RAET1L: variants seen among roughly 807,000 people sequenced by gnomAD.
RAET1L encodes the protein UL16-binding protein 6.
Under a neutral mutation model 23.9 loss-of-function variants are expected in RAET1L, and 16 were observed. The observed-to-expected ratio is 0.67, with a 90% CI of 0.45 to 1.02. RAET1L has a LOEUF of 1.02. RAET1L is among the 50% of genes least tolerant of loss of function. The pLI is 0.00. For missense variants in RAET1L, 233 were observed against 304.0 expected (o/e 0.77, Z 1.74); for synonymous variants, 70 against 111.2 (o/e 0.63, Z 2.33).
intron 2 of RAET1L, among the ~76,000 whole-genome samples, chr6:150,021,642 C>A (rs1420960618): frequency 8.4e-6 from 1 of 118,608 alleles, no homozygotes; most frequent in Non-Finnish European, 1.8e-5. Flanking sequence ...GTTGCCCAGG[C>A]TGGAGTGCAA....
At position 150,020,827 on chromosome 6, in the gene RAET1L, G is replaced by A. The variant is rs1363565068; in HGVS notation, c.631+78C>T. The A allele has an allele frequency of 2.5e-6, 4 of 1,581,136 alleles. No homozygotes were observed. In the East Asian group the frequency reaches 6.7e-5, roughly 27 times the overall value. ...AAACGTGTACACTGGGATGATTGAA[G>A]CTGAACTCAAGAACTAACTTCTTGA... On this transcript the variant is annotated intron_variant, in intron 3 of 4. Coordinates refer to ENST00000367341, the MANE Select transcript of RAET1L (RefSeq NM_130900.3).
rs1213702371 is a variant in RAET1L, at chr6:150,018,812, G to A, written c.*66C>T. 2.1e-5 allele frequency: 7 copies of A among 330,588 alleles called. No individual in the cohort carries two copies. The highest frequency in any genetic ancestry group is 3.6e-5 in the Non-Finnish European group (6 of 168,294). 20.5% of individuals were successfully genotyped at this position (330,588 alleles called of 1,614,324 possible). On this transcript the variant is annotated 3_prime_UTR_variant, in exon 5 of 5. Transcript: ENST00000367341. The stretch of plus-strand genomic sequence containing the variant: ...GCTGGCCAGACAGAAGGGCGAGGTT[G>A]ATCAAGACCGTGCTCACAGGGGCTT...
intron 1 of RAET1L, among the ~76,000 whole-genome samples, chr6:150,023,572 G>A (rs1222883725): frequency 6.6e-6 from 1 of 152,152 alleles, no homozygotes; most frequent in Non-Finnish European, 1.5e-5. Flanking sequence ...ATTCTCCATT[G>A]TAACTACTCA....
chr6:150,021,255 A>C, intron 2 of RAET1L, 69 bp from the exon 3 acceptor site: 3 of 1,530,852 alleles, frequency 2.0e-6, no homozygotes, highest in Middle Eastern at 1.7e-4. Context: ...TTCCCCTTAC[A>C]ATTTGCTGGC....
intron 4 of RAET1L, among the ~76,000 whole-genome samples, chr6:150,019,593 G>A (rs186803838): frequency 2.1e-5 from 2 of 93,546 alleles, no homozygotes; most frequent in Admixed American, 2.0e-4. Context: ...AGGCAGCCCT[G>A]CACTCCCTCC....
chr6:150,019,340 C>A (rs1021464865), intron 4 of RAET1L, among the ~76,000 whole-genome samples: 1 of 152,174 alleles, frequency 6.6e-6, no homozygotes, highest in Non-Finnish European at 1.5e-5. Context: ...CTTTTCCATT[C>A]CTTATCCAGC....
rs555495012 is a variant in RAET1L at position 150,021,991 on chromosome 6, T to A, written c.338A>T (p.Tyr113Phe). The change falls in exon 2 of 5, where the codon TAC becomes TTC. Residue 113 changes from tyrosine to phenylalanine, a missense_variant. Tyr to Phe is a conservative substitution (Grantham distance 22). Transcript: ENST00000367341. ...EQLLDIQLEN[Y>F]TPKEPLTLQA... ...CATCTGAAACTTACCCTTGGGTGTG[T>A]AATTCTCCAGCTGAATGTCAAGCAG... The A allele has an allele frequency of 9.4e-6, 15 of 1,597,144 alleles. No individual in the cohort carries two copies. Among genetic ancestry groups the A allele is most frequent in the Non-Finnish European group, 1.3e-5 (15 of 1,169,868 alleles).
rs1425543740 is a variant in RAET1L, at chr6:150,018,521, AG to A, written c.*356del. On this transcript the variant is annotated 3_prime_UTR_variant, in exon 5 of 5. Transcript: ENST00000367341. ...TACTGACAATCATGTCAGTAATGAAAGAAAGAAATCATCATTCAAAGAAGTA... is the reference window on the plus strand; with the variant it reads ...TACTGACAATCATGTCAGTAATGAAAAAAGAAATCATCATTCAAAGAAGTA... 6.6e-6 allele frequency: 1 copy of A among 152,314 alleles called. No homozygotes were observed. The highest frequency in any genetic ancestry group is 1.5e-5 in the Non-Finnish European group (1 of 68,102). The allele number at this position is 152,314 out of a possible 1,614,324, so 9.4% of individuals were successfully genotyped here.
chr6:150,023,501 G>A (rs904351908), intron 1 of RAET1L, among the ~76,000 whole-genome samples: 6 of 152,162 alleles, frequency 3.9e-5, no homozygotes, highest in African/African-American at 9.7e-5. Context: ...AGATATTTAT[G>A]GCCAATAGAG....
intron 4 of RAET1L, 129 bp from the exon 5 acceptor site, chr6:150,018,984 C>T (rs1024853145): frequency 5.2e-5 from 10 of 190,988 alleles, no homozygotes; most frequent in Admixed American, 1.2e-4. Context: ...CCCTTGAGCC[C>T]CAACCCTGGC....
rs1240386431 is a variant in RAET1L at position 150,018,442 on chromosome 6, T to C, written c.*436A>G. Reference sequence around the variant, plus strand: ...TTCTTATTAAATAATTAAACAATTCTCTTTCAGGACATGGAAAGAATCCCT... The same window carrying C: ...TTCTTATTAAATAATTAAACAATTCCCTTTCAGGACATGGAAAGAATCCCT... On this transcript the variant is annotated 3_prime_UTR_variant, in exon 5 of 5. Transcript: ENST00000367341. 6.6e-6 allele frequency: 1 copy of C among 152,278 alleles called. No homozygotes were observed. The highest frequency in any genetic ancestry group is 1.5e-5 in the Non-Finnish European group (1 of 68,094). 9.4% of individuals were successfully genotyped at this position (152,278 alleles called of 1,614,324 possible). A position where few individuals can be genotyped will look rare whatever the true frequency, so the allele number is the denominator to read the frequency against.
At chr6:150,023,402 C>G (rs983875676) in intron 1 of RAET1L, among the ~76,000 whole-genome samples, 4 of 151,616 alleles carry the variant, frequency 2.6e-5, no homozygotes, top group African/African-American at 7.3e-5. Flanking sequence ...AGACCCTGAA[C>G]CCATGACTAT....
At chr6:150,024,677 G>T (rs953341350) in intron 1 of RAET1L, among the ~76,000 whole-genome samples, 20 of 152,140 alleles carry the variant, frequency 1.3e-4, no homozygotes, top group Admixed American at 5.9e-4. Flanking sequence ...GGAGCTTGGG[G>T]TGTGTTTGTT....
intron 2 of RAET1L, 22 bp from the exon 3 acceptor site, chr6:150,021,208 C>T: frequency 1.3e-6 from 2 of 1,593,992 alleles, no homozygotes; most frequent in Non-Finnish European, 8.6e-7. Flanking sequence ...AGAGAGAGAT[C>T]AGCTCTGATC....
chr6:150,024,304 A>C (rs1779921208), intron 1 of RAET1L, among the ~76,000 whole-genome samples: 2 of 152,090 alleles, frequency 1.3e-5, no homozygotes, highest in African/African-American at 4.8e-5. Flanking sequence ...ACCCTAGGGG[A>C]TGGGGCACTG....
intron 1 of RAET1L, 66 bp downstream of exon 1, chr6:150,025,321 C>T: frequency 7.2e-7 from 1 of 1,387,414 alleles, no homozygotes; most frequent in South Asian, 1.2e-5. Context: ...TCCTCTGAAA[C>T]CCGCTGCAGT....
At chr6:150,025,314 T>A in intron 1 of RAET1L, 73 bp downstream of exon 1, 1 of 1,337,984 alleles carries the variant, frequency 7.5e-7, no homozygotes, top group South Asian at 1.3e-5. Flanking sequence ...CCTTCCCTCC[T>A]CTGAAACCCG....
In RAET1L at chr6:150,020,964, A is replaced by T; in HGVS notation, c.572T>A (p.Ile191Lys). 1 of 1,614,144 alleles carries T rather than the reference A, an allele frequency of 6.2e-7. No individual in the cohort carries two copies. The highest frequency in any genetic ancestry group is 8.5e-7 in the Non-Finnish European group (1 of 1,180,032). Reference protein sequence around the residue: ...SFHYISMGDCIGWLEDFLMGM... With the variant: ...SFHYISMGDCKGWLEDFLMGM... ...CATCAAGAAGTCCTCAAGCCATCCT[A>T]TGCAGTCTCCCATTGAGATGTAATG... Residue 191 changes from isoleucine (I) to lysine (K), a missense_variant, in exon 3 of 5, where the codon ATA becomes AAA. Around this residue, in one of 4 missense-constraint regions of RAET1L, gnomAD observed 139 missense variants for 125.3 expected, o/e 1.11. Transcript: ENST00000367341.
intron 1 of RAET1L, 62 bp downstream of exon 1, chr6:150,025,325 C>G: frequency 1.4e-6 from 2 of 1,412,752 alleles, no homozygotes; most frequent in South Asian, 1.2e-5. Flanking sequence ...CTGAAACCCG[C>G]TGCAGTCCAC....
Sources: allele counts gnomAD v4.1 joint callset (sites outside exome capture counted in the v4.1 genomes callset), GRCh38; gene constraint gnomAD v4.1.1; regional missense constraint gnomAD v4.1.1; transcripts MANE v1.5; gene names NCBI Gene and HGNC (gene_info 2026-07-23, HGNC 2026-07-21).